Variants in REDIC1 observed in about 807,000 individuals in gnomAD.
REDIC1 encodes the protein regulator of DNA class I crossover intermediates 1.
At chr12:39,852,738 A>C in the REDIC1 span, among the ~76,000 whole-genome samples, 2 of 152,230 alleles carry the variant, frequency 1.3e-5, no homozygotes, top group East Asian at 3.9e-4. Flanking sequence ...TCTGCATTGC[A>C]GATGAAAAAT....
the REDIC1 span, among the ~76,000 whole-genome samples, chr12:39,642,426 C>G: frequency 6.6e-6 from 1 of 151,612 alleles, no homozygotes; most frequent in Admixed American, 6.6e-5. Context: ...ATGTCCTCCT[C>G]CCTTCCCTGT....
the REDIC1 span, among the ~76,000 whole-genome samples, chr12:39,837,615 A>G: frequency 2.0e-5 from 3 of 148,678 alleles, no homozygotes; most frequent in East Asian, 3.9e-4. Flanking sequence ...AATATCCAGA[A>G]TCTACAATGA....
the REDIC1 span, among the ~76,000 whole-genome samples, chr12:39,741,079 G>C: frequency 1.2e-4 from 18 of 152,084 alleles, no homozygotes; most frequent in Non-Finnish European, 2.1e-4. Context: ...CGATTCTCTT[G>C]TCTCAGCCTC....
the REDIC1 span, among the ~76,000 whole-genome samples, chr12:39,770,340 A>G: frequency 1.3e-5 from 2 of 152,120 alleles, no homozygotes; most frequent in Non-Finnish European, 2.9e-5. Flanking sequence ...ATGGCCTCAA[A>G]TGCAATATGA....
the REDIC1 span, chr12:39,646,519 T>C: frequency 6.9e-7 from 1 of 1,457,984 alleles, no homozygotes; most frequent in Non-Finnish European, 9.2e-7. Flanking sequence ...TAACAACACT[T>C]TTACTCACTC....
At chr12:39,784,968 A>G in the REDIC1 span, among the ~76,000 whole-genome samples, 1 of 152,236 alleles carries the variant, frequency 6.6e-6, no homozygotes, top group African/African-American at 2.4e-5. Flanking sequence ...GGGTGCTGTT[A>G]AAAGCACTCT....
At chr12:39,635,443 C>A in the REDIC1 span, among the ~76,000 whole-genome samples, 3 of 152,124 alleles carry the variant, frequency 2.0e-5, no homozygotes, top group Non-Finnish European at 4.4e-5. Context: ...CACATATACA[C>A]CATGGAATAC....
the REDIC1 span, among the ~76,000 whole-genome samples, chr12:39,703,254 A>G: frequency 2.0e-5 from 3 of 151,000 alleles, no homozygotes; most frequent in Admixed American, 6.6e-5. Flanking sequence ...TACAAAATCA[A>G]TGTACAAAAA....
the REDIC1 span, among the ~76,000 whole-genome samples, chr12:39,713,083 G>A: frequency 6.7e-6 from 1 of 148,220 alleles, no homozygotes; most frequent in Non-Finnish European, 1.5e-5. Flanking sequence ...GTGCATACGT[G>A]TATGTGTAGA....
At chr12:39,668,842 G>A in the REDIC1 span, among the ~76,000 whole-genome samples, 7 of 151,986 alleles carry the variant, frequency 4.6e-5, no homozygotes, top group African/African-American at 1.2e-4. Flanking sequence ...CCAGTTGATC[G>A]AATCGGCTAC....
At chr12:39,856,076 G>A in the REDIC1 span, among the ~76,000 whole-genome samples, 1 of 152,108 alleles carries the variant, frequency 6.6e-6, no homozygotes, top group Non-Finnish European at 1.5e-5. Flanking sequence ...ACAAAGGCTT[G>A]GATGCTTCCT....
the REDIC1 span, among the ~76,000 whole-genome samples, chr12:39,696,693 T>G: frequency 1.3e-5 from 2 of 151,196 alleles, no homozygotes; most frequent in South Asian, 4.2e-4. Flanking sequence ...GAGAAGGAAT[T>G]CAGAAGTATA....
chr12:39,864,717 G>A, the REDIC1 span: 2 of 1,596,686 alleles, frequency 1.3e-6, no homozygotes, highest in Non-Finnish European at 1.7e-6. Context: ...AAGCAAAAAA[G>A]TTACCAGAGT....
chr12:39,764,603 G>C, the REDIC1 span: 2 of 1,593,020 alleles, frequency 1.3e-6, no homozygotes, highest in African/African-American at 2.7e-5. Flanking sequence ...CCAAGGCATT[G>C]GTCCCATTCC....
At chr12:39,682,742 A>G in the REDIC1 span, 1 of 1,613,422 alleles carries the variant, frequency 6.2e-7, no homozygotes, top group Non-Finnish European at 8.5e-7. Flanking sequence ...TGGGGGAAAA[A>G]TGGAAAGGAA....
chr12:39,789,600 A>C, the REDIC1 span, among the ~76,000 whole-genome samples: 8 of 152,326 alleles, frequency 5.3e-5, no homozygotes, highest in African/African-American at 1.9e-4. Flanking sequence ...GAGTATGTGC[A>C]CACAGTCAAT....
At chr12:39,754,851 AT>A in the REDIC1 span, among the ~76,000 whole-genome samples, 1 of 152,084 alleles carries the variant, frequency 6.6e-6, no homozygotes, top group African/African-American at 2.4e-5. Flanking sequence ...ATTATAAAAT[AT>A]TTTTAAAAGA....
At chr12:39,681,668 G>A in the REDIC1 span, among the ~76,000 whole-genome samples, 2 of 152,048 alleles carry the variant, frequency 1.3e-5, no homozygotes, top group Non-Finnish European at 2.9e-5. Context: ...GAGAAACAAC[G>A]TAGGATCATG....
At chr12:39,894,622 TA>T in the REDIC1 span, among the ~76,000 whole-genome samples, 1 of 152,188 alleles carries the variant, frequency 6.6e-6, no homozygotes, top group African/African-American at 2.4e-5. Flanking sequence ...CAAGGGAAAA[TA>T]AAATTAAACT....
Sources: gnomAD v4.1 joint callset for allele counts (sites outside exome capture counted in the v4.1 genomes callset) on GRCh38, gnomAD v4.1.1 for gene constraint, MANE v1.5 for transcripts, NCBI Gene and HGNC (gene_info 2026-07-23, HGNC 2026-07-21) for gene names.